The following AKAP7 variants were observed in gnomAD, a reference collection of about 807,000 sequenced individuals.
AKAP7 encodes the protein A kinase (PRKA) anchor protein 7.
In AKAP7, 39 loss-of-function variants were observed where a neutral mutation model predicts 39.5. The observed-to-expected ratio is 0.99, with a 90% CI of 0.76 to 1.29. AKAP7 has a LOEUF of 1.29. Among genes scored for constraint, AKAP7 ranks in the 50% most tolerant of loss-of-function variants. AKAP7 has a pLI of 0.00. For synonymous variants in AKAP7, 140 were observed against 139.1 expected, an observed-to-expected ratio of 1.01 and a Z score of -0.05; for missense variants, 414 against 407.7, an observed-to-expected ratio of 1.02 and a Z score of -0.13.
chr6:131,193,632 A>G (rs1806634553), intron 5 of AKAP7, among the ~76,000 whole-genome samples: 1 of 152,032 alleles, frequency 6.6e-6, no homozygotes, highest in Admixed American at 6.6e-5. Flanking sequence ...TAGGATTGGT[A>G]TTAGTTCTTT....
chr6:131,180,249 C>T (rs1805033149), intron 5 of AKAP7, among the ~76,000 whole-genome samples: 1 of 152,190 alleles, frequency 6.6e-6, no homozygotes, highest in Non-Finnish European at 1.5e-5. Flanking sequence ...TTAAGACTAA[C>T]CCCTTCAGCT....
At chr6:131,172,577 C>T (rs1215714286) in intron 5 of AKAP7, among the ~76,000 whole-genome samples, 1 of 152,112 alleles carries the variant, frequency 6.6e-6, no homozygotes, top group Non-Finnish European at 1.5e-5. Context: ...GTTGTCCCAC[C>T]TTAGCCTCAT....
intron 7 of AKAP7, chr6:131,242,055 T>G: frequency 1.0e-6 from 1 of 981,800 alleles, no homozygotes; most frequent in Non-Finnish European, 1.2e-6. Context: ...CCTTTGATAT[T>G]GTATCTGACC....
rs896091957 is a variant in AKAP7, at chr6:131,184,790, C to T, written c.590-14671C>T. On this transcript the variant is annotated intron_variant, in intron 5 of 7. Transcript: ENST00000431975. The stretch of plus-strand genomic sequence containing the variant: ...TGGGAGTCTTCTTTGTCCTCGCCCT[C>T]CTCAGCCAAGTGAGAGTGGGCATAG... 4.1e-4 allele frequency: 575 copies of T among 1,417,070 alleles called. 4 individuals are homozygous for T. Among genetic ancestry groups the T allele is most frequent in the South Asian group, 1.5e-3 (128 of 86,958 alleles). 87.8% of individuals were successfully genotyped at this position (1,417,070 alleles called of 1,614,324 possible).
intron 5 of AKAP7, chr6:131,185,263 G>T: frequency 2.1e-6 from 1 of 469,328 alleles, no homozygotes. Flanking sequence ...CGCCAGTGCT[G>T]GGCAGGGTAC....
chr6:131,224,586 T>C (rs1265993209), intron 7 of AKAP7, among the ~76,000 whole-genome samples: 1 of 152,134 alleles, frequency 6.6e-6, no homozygotes, highest in Non-Finnish European at 1.5e-5. Flanking sequence ...ATTTCCTATC[T>C]TTGTTAATGG....
At chr6:131,263,550 C>G (rs1585204002) in intron 7 of AKAP7, among the ~76,000 whole-genome samples, 1 of 152,272 alleles carries the variant, frequency 6.6e-6, no homozygotes, top group East Asian at 1.9e-4. Flanking sequence ...AAGTGCCTTT[C>G]TATACAAACG....
At chr6:131,141,697 T>C (rs1026341582) in intron 1 of AKAP7, among the ~76,000 whole-genome samples, 43 of 152,116 alleles carry the variant, frequency 2.8e-4, no homozygotes, top group Non-Finnish European at 7.4e-5. Flanking sequence ...AAAATGCTGA[T>C]AGAAATATGG....
chr6:131,241,441 T>C (rs1811543965), intron 7 of AKAP7, among the ~76,000 whole-genome samples: 1 of 152,030 alleles, frequency 6.6e-6, no homozygotes, highest in African/African-American at 2.4e-5. Context: ...CCTACACCAA[T>C]TGGTGGTACA....
Position 131,236,431 on chromosome 6 carries a change from G to A in AKAP7, c.850+16623G>A, listed in dbSNP as rs538269845. On this transcript the variant is annotated intron_variant, in intron 7 of 7. Transcript: ENST00000431975. The stretch of plus-strand genomic sequence containing the variant: ...ATGAACTTTAAAGTAGTTTTTTCCA[G>A]TTCTGTGAAGAAAGTCATTGGTAGC... 1.1e-3 allele frequency among the ~76,000 whole-genome samples: 165 copies of A among 151,942 alleles called. 1 individual carries two copies. The highest frequency in any genetic ancestry group is 6.8e-3 in the Middle Eastern group (2 of 294).
intron 5 of AKAP7, among the ~76,000 whole-genome samples, chr6:131,171,806 A>G (rs1585004978): frequency 1.3e-5 from 2 of 152,222 alleles, no homozygotes; most frequent in East Asian, 1.9e-4. Flanking sequence ...TGTGGTAAAA[A>G]GACAAAGGAG....
intron 1 of AKAP7, among the ~76,000 whole-genome samples, chr6:131,144,188 G>A (rs1163952664): frequency 6.8e-6 from 1 of 147,872 alleles, no homozygotes; most frequent in Non-Finnish European, 1.5e-5. Context: ...GCAACCATCC[G>A]ATTTCTCAAT....
intron 5 of AKAP7, among the ~76,000 whole-genome samples, chr6:131,198,868 A>G (rs149980823): frequency 2.6e-5 from 4 of 152,310 alleles, no homozygotes; most frequent in Non-Finnish European, 5.9e-5. Context: ...AACCCTTTGA[A>G]GAGCTCTGGA....
At chr6:131,199,933 C>CAGAGGAA (rs1807374724) in intron 6 of AKAP7, 2 of 246,752 alleles carry the variant, frequency 8.1e-6, no homozygotes, top group South Asian at 8.6e-5. Context: ...AAAGCTTCCT[C>CAGAGGAA]TGCTGGCCTG....
At chr6:131,146,885 T>C (rs1801529446) in intron 2 of AKAP7, among the ~76,000 whole-genome samples, 1 of 152,232 alleles carries the variant, frequency 6.6e-6, no homozygotes, top group Admixed American at 6.5e-5. Context: ...ACATTGGGAA[T>C]ATTAAAACAC....
intron 7 of AKAP7, among the ~76,000 whole-genome samples, chr6:131,227,248 T>G (rs772530033): frequency 1.3e-5 from 2 of 152,170 alleles, no homozygotes; most frequent in Admixed American, 6.5e-5. Flanking sequence ...TGCACCAACC[T>G]GATACAATGA....
At chr6:131,189,423 C>T (rs1027022421) in intron 5 of AKAP7, among the ~76,000 whole-genome samples, 8 of 152,058 alleles carry the variant, frequency 5.3e-5, no homozygotes, top group Admixed American at 2.6e-4. Context: ...GTATAAACAT[C>T]TTTAACAATA....
chr6:131,179,924 A>T (rs368424724), intron 5 of AKAP7, among the ~76,000 whole-genome samples: 2 of 152,190 alleles, frequency 1.3e-5, no homozygotes, highest in African/African-American at 4.8e-5. Context: ...GTTGTTAATA[A>T]GTATTCATCA....
At chr6:131,198,616 A>T (rs1807195509) in intron 5 of AKAP7, among the ~76,000 whole-genome samples, 1 of 152,092 alleles carries the variant, frequency 6.6e-6, no homozygotes, top group East Asian at 1.9e-4. Context: ...ATGTCTCATG[A>T]ATCTTGGGGT....
Sources: gnomAD v4.1 joint callset for allele counts (sites outside exome capture counted in the v4.1 genomes callset) on GRCh38, gnomAD v4.1.1 for gene constraint, MANE v1.5 for transcripts, NCBI Gene and HGNC (gene_info 2026-07-23, HGNC 2026-07-21) for gene names.